TBC1D22A: variants seen among roughly 807,000 people sequenced by gnomAD.
TBC1D22A encodes the protein putative GTPase activator.
A neutral mutation model predicts 60.2 loss-of-function variants in TBC1D22A; 38 were observed. The observed-to-expected ratio is 0.63, with a 90% confidence interval of 0.49 to 0.83. TBC1D22A has a LOEUF of 0.83. Ranked by LOEUF, TBC1D22A falls within the 40% of genes least tolerant of loss-of-function variation. The probability of loss-of-function intolerance (pLI) is 0.00; values close to 1 mark genes in which losing one functional copy is unlikely to be tolerated. For synonymous variants in TBC1D22A, 302 were observed against 281.7 expected (o/e 1.07, Z -0.72); for missense variants, 628 against 701.0 (o/e 0.90, Z 1.18).
chr22:46,999,192 C>G (rs2075224403), intron 10 of TBC1D22A, among the ~76,000 whole-genome samples: 1 of 152,208 alleles, frequency 6.6e-6, no homozygotes, highest in African/African-American at 2.4e-5. Context: ...TTCTCTGGTG[C>G]TGTGGTTCAG....
chr22:46,997,775 G>C, intron 10 of TBC1D22A, 66 bp downstream of exon 10: 1 of 1,480,428 alleles, frequency 6.8e-7, no homozygotes. Context: ...CCCTCGGTGG[G>C]ACAGGGAGCT....
At chr22:46,878,809 C>T in intron 5 of TBC1D22A, 86 bp downstream of exon 5, 1 of 1,308,178 alleles carries the variant, frequency 7.6e-7, no homozygotes, top group South Asian at 1.2e-5. Context: ...CTGACAGCCA[C>T]AGCCCACGGG....
chr22:47,139,887 G>A (rs900731318), intron 12 of TBC1D22A, among the ~76,000 whole-genome samples: 3 of 152,270 alleles, frequency 2.0e-5, no homozygotes, highest in African/African-American at 4.8e-5. Context: ...CTGTGGACCT[G>A]TTGCGAAGTC....
chr22:47,167,348 A>G (rs2068246893), intron 12 of TBC1D22A, among the ~76,000 whole-genome samples: 1 of 152,228 alleles, frequency 6.6e-6, no homozygotes, highest in South Asian at 2.1e-4. Flanking sequence ...CACACATTCA[A>G]CAACCTAATA....
chr22:46,797,734 A>G, intron 4 of TBC1D22A, 114 bp downstream of exon 4: 6 of 1,145,732 alleles, frequency 5.2e-6, no homozygotes, highest in Non-Finnish European at 7.0e-6. Flanking sequence ...GTCCGTGTGT[A>G]ATTTGCCTTG....
At position 47,173,735 on chromosome 22, in the gene TBC1D22A, A is replaced by T; in HGVS notation, c.*109A>T. 2.6e-6 allele frequency: 4 copies of T among 1,526,702 alleles called. No homozygotes were observed. Among genetic ancestry groups the T allele is most frequent in the Non-Finnish European group, 2.7e-6 (3 of 1,123,514 alleles). 94.6% of individuals were successfully genotyped at this position (1,526,702 alleles called of 1,614,324 possible). A position where few individuals can be genotyped will look rare whatever the true frequency, so the allele number is the denominator to read the frequency against. ...TCCCGGGCTGCTAAAAGGCCTTGTGAGGTGGCCCCACCCTCCAGGGGAGCT... is the reference window on the plus strand; with the variant it reads ...TCCCGGGCTGCTAAAAGGCCTTGTGTGGTGGCCCCACCCTCCAGGGGAGCT... On this transcript the variant is annotated 3_prime_UTR_variant, in exon 13 of 13. Transcript: ENST00000337137.
intron 1 of TBC1D22A, among the ~76,000 whole-genome samples, chr22:46,791,156 C>CCACAT (rs1254949008): frequency 6.6e-6 from 1 of 152,082 alleles, no homozygotes. Context: ...GTAGCTGGGA[C>CCACAT]CACAGGCTTA....
At chr22:47,001,299 CTTTTTTTT>C (rs11331060) in intron 10 of TBC1D22A, among the ~76,000 whole-genome samples, 3 of 133,902 alleles carry the variant, frequency 2.2e-5, no homozygotes, top group East Asian at 4.2e-4. Context: ...TTCTTTCTTT[CTTTTTTTT>C]TTTTTTTTTT....
chr22:47,005,941 T>C (rs1210190907), intron 10 of TBC1D22A, among the ~76,000 whole-genome samples: 1 of 150,962 alleles, frequency 6.6e-6, no homozygotes, highest in Non-Finnish European at 1.5e-5. Context: ...CACACCCTTA[T>C]ATATACACAC....
rs189790570 is a variant in TBC1D22A at position 46,949,129 on chromosome 22, C to T, written c.1016-25161C>T. ...TTGGGCTCCTAAAAGAGTCTTTGTT[C>T]AAGAGACTGATTGTGTCGCATTTTG... On this transcript the variant is annotated intron_variant, in intron 8 of 12. Transcript: ENST00000337137. Among the ~76,000 whole-genome samples the T allele has an allele frequency of 1.9e-3, 297 of 152,332 alleles. 2 individuals are homozygous for T. The highest frequency in any genetic ancestry group is 9.8e-4 in the Non-Finnish European group (67 of 68,038).
chr22:46,865,146 C>A (rs1026914782), intron 4 of TBC1D22A, among the ~76,000 whole-genome samples: 1 of 152,204 alleles, frequency 6.6e-6, no homozygotes, highest in Non-Finnish European at 1.5e-5. Flanking sequence ...TGGTTGGCAC[C>A]TGTTCCTGGC....
At chr22:47,147,580 C>T (rs1035575565) in intron 12 of TBC1D22A, among the ~76,000 whole-genome samples, 3 of 152,232 alleles carry the variant, frequency 2.0e-5, no homozygotes, top group African/African-American at 4.8e-5. Context: ...GGCATAGGTG[C>T]GCCCTGCTGT....
intron 11 of TBC1D22A, among the ~76,000 whole-genome samples, chr22:47,091,619 C>G (rs957984371): frequency 6.6e-6 from 1 of 152,064 alleles, no homozygotes; most frequent in Non-Finnish European, 1.5e-5. Flanking sequence ...CGGGGAGTGG[C>G]CTCGCTGAGC....
At chr22:47,161,952 A>G (rs1363031480) in intron 12 of TBC1D22A, among the ~76,000 whole-genome samples, 1 of 152,212 alleles carries the variant, frequency 6.6e-6, no homozygotes, top group East Asian at 1.9e-4. Context: ...GGCACCGCTG[A>G]GCGCCTTTGC....
intron 8 of TBC1D22A, among the ~76,000 whole-genome samples, chr22:46,919,665 C>T (rs1208417640): frequency 6.6e-6 from 1 of 151,410 alleles, no homozygotes; most frequent in Non-Finnish European, 1.5e-5. Context: ...GTGGGAGGAG[C>T]GTATGTTTCC....
chr22:46,898,391 A>G (rs1480228909), intron 7 of TBC1D22A, among the ~76,000 whole-genome samples: 1 of 152,246 alleles, frequency 6.6e-6, no homozygotes, highest in South Asian at 2.1e-4. Context: ...CCTGGGAGAC[A>G]GGTCTATGTC....
intron 3 of TBC1D22A, among the ~76,000 whole-genome samples, chr22:46,794,627 G>A (rs2084571973): frequency 6.6e-6 from 1 of 152,216 alleles, no homozygotes; most frequent in African/African-American, 2.4e-5. Context: ...TCTGGTGAGA[G>A]GGACAGATGC....
At chr22:47,097,879 C>CTGCCTT (rs1278747680) in intron 11 of TBC1D22A, among the ~76,000 whole-genome samples, 3 of 152,024 alleles carry the variant, frequency 2.0e-5, no homozygotes, top group Non-Finnish European at 4.4e-5. Flanking sequence ...GGTTGCCTAC[C>CTGCCTT]TGCCTTTGCC....
Position 47,119,333 on chromosome 22 carries a change from G to A in TBC1D22A, c.1425+7730G>A, listed in dbSNP as rs73479304. ...AAAGAAGCAGCAGGCTTGGCACTCC[G>A]TCTCACAGAGCTGGCCACCCGGACA... On this transcript the variant is annotated intron_variant, in intron 12 of 12. Coordinates refer to ENST00000337137, the MANE Select transcript of TBC1D22A (RefSeq NM_014346.5). Among the ~76,000 whole-genome samples the A allele has an allele frequency of 2.4e-3, 364 of 152,218 alleles. 2 individuals are homozygous for A. The highest frequency in any genetic ancestry group is 8.5e-3 in the African/African-American group (355 of 41,522).
Sources: gnomAD v4.1 joint callset for allele counts (sites outside exome capture counted in the v4.1 genomes callset) on GRCh38, gnomAD v4.1.1 for gene constraint, MANE v1.5 for transcripts, NCBI Gene and HGNC (gene_info 2026-07-23, HGNC 2026-07-21) for gene names.